The following NAPRT variants were observed in gnomAD, a reference collection of about 807,000 sequenced individuals.
The protein encoded by NAPRT is FHA-HIT-interacting protein.
NAPRT carries 66 observed loss-of-function variants against 60.7 expected under a neutral mutation model. The ratio of observed to expected loss-of-function variants is 1.09; its 90% CI spans 0.89 to 1.33. The LOEUF (loss-of-function observed/expected upper bound fraction) is 1.33. Ranked by LOEUF, NAPRT falls within the 40% of genes most tolerant of loss-of-function variation. The pLI, the probability that NAPRT is intolerant of heterozygous loss-of-function variation, is 0.00. For missense variants in NAPRT, 818 were observed against 731.5 expected (o/e 1.12, Z -1.36); for synonymous variants, 405 against 335.7 (o/e 1.21, Z -2.26).
At chr8:143,576,264 T>C (rs1303998898) in intron 7 of NAPRT, 102 bp from the exon 8 acceptor site, 4 of 1,383,098 alleles carry the variant, frequency 2.9e-6, no homozygotes, top group Non-Finnish European at 3.9e-6. Flanking sequence ...AGGACACCTG[T>C]GCTCACCTTC....
In NAPRT at chr8:143,578,233, T is replaced by C. The variant is rs1029155631; in HGVS notation, c.86A>G (p.Tyr29Cys). Reference sequence around the variant, plus strand: ...GTCCCGCGCCCGGCCCGCGCGCCAATAGCCCAACGCCATGGTGGCCTGGTA... The same window carrying C: ...GTCCCGCGCCCGGCCCGCGCGCCAACAGCCCAACGCCATGGTGGCCTGGTA... ...DLYQATMALG[Y>C]WRAGRARDAA... The change falls in exon 1 of 13, where the codon TAT becomes TGT. Residue 29 changes from tyrosine (Y) to cysteine (C), a missense_variant. Physicochemically the swap from Tyr to Cys is radical, Grantham distance 194. Transcript: ENST00000449291. 12 of 1,501,678 alleles carry C rather than the reference T, an allele frequency of 8.0e-6. No individual in the cohort carries two copies. The African/African-American group carries it at 1.0e-4, about 13-fold the overall frequency. The allele number at this position is 1,501,678 out of a possible 1,614,324, so 93.0% of individuals were successfully genotyped here. A position where few individuals can be genotyped will look rare whatever the true frequency, so the allele number is the denominator to read the frequency against.
In NAPRT at chr8:143,575,129, C is replaced by T. The variant is rs372897101; in HGVS notation, c.1447-36G>A. On this transcript the variant is annotated intron_variant, in intron 11 of 12. Transcript: ENST00000449291. ...GAGGTAAGGAAAGAGAAGCTTGGGG[C>T]TAGCTCCCAGTCAGGGCTCTACCGG... is the stretch of plus-strand genomic sequence containing the variant. 1.7e-5 allele frequency: 26 copies of T among 1,561,240 alleles called. No individual in the cohort carries two copies. The African/African-American group carries it at 3.4e-4, about 20-fold the overall frequency.
rs750305065 is a variant in NAPRT, at chr8:143,575,426, CA to C, written c.1287del (p.Asp430ThrfsTer11). The C allele has an allele frequency of 1.3e-6, 2 of 1,592,018 alleles. No homozygotes were observed. Among genetic ancestry groups the C allele is most frequent in the South Asian group, 2.2e-5 (2 of 90,602 alleles). ...GSKAAFRLLG[S>X]DGSPLMDMLQ... ...AGGGGGGATGGGAGGGCCTCACCGT[CA>C]GAGCCCAGGAGCCGGAAAGCAGCCT... On this transcript the variant is annotated frameshift_variant, in exon 10 of 13. Coordinates refer to ENST00000449291, the MANE Select transcript of NAPRT (RefSeq NM_145201.6). LOFTEE classifies it high-confidence loss of function.
At chr8:143,577,240 C>T (rs1335813209) in intron 4 of NAPRT, 29 bp downstream of exon 4, 2 of 1,606,046 alleles carry the variant, frequency 1.2e-6, no homozygotes, top group South Asian at 2.2e-5. Context: ...CCTTCCCGGC[C>T]CTTGCCTTGC....
At chr8:143,576,939 G>C (rs1286365046) in intron 5 of NAPRT, 97 bp from the exon 6 acceptor site, 4 of 1,488,040 alleles carry the variant, frequency 2.7e-6, no homozygotes, top group East Asian at 2.3e-5. Flanking sequence ...AGGTAATGCA[G>C]CCCGTGCCAG....
downstream of NAPRT, among the ~76,000 whole-genome samples, chr8:143,573,163 A>T (rs1824173734): frequency 6.6e-6 from 1 of 151,934 alleles, no homozygotes. Flanking sequence ...TCAGCTCCCC[A>T]CTGGGCCTGG....
chr8:143,575,281 C>T lies in NAPRT; in HGVS notation c.1356G>A (p.Leu452=). Residue 452 remains leucine, a synonymous_variant, in exon 11 of 13, where the codon CTG becomes CTA. Transcript: ENST00000449291. ...CCTGGGCCCCTGGAGGCCACACCCTCAGCTCCTGCCCAGCCTGTGGCACTG... is the reference window on the plus strand; with the variant it reads ...CCTGGGCCCCTGGAGGCCACACCCTTAGCTCCTGCCCAGCCTGTGGCACTG... ...EEPVPQAGQE[L]RVWPPGAQEP... The T allele has an allele frequency of 6.2e-7, 1 of 1,612,684 alleles. No individual in the cohort carries two copies. Among genetic ancestry groups the T allele is most frequent in the Non-Finnish European group, 8.5e-7 (1 of 1,179,978 alleles).
rs1452932477 is a variant in NAPRT at position 143,575,606 on chromosome 8, C to T, written c.1188+16G>A. 2 of 1,586,942 alleles carry T rather than the reference C, an allele frequency of 1.3e-6. No individual in the cohort carries two copies. Among genetic ancestry groups the T allele is most frequent in the African/African-American group, 2.7e-5 (2 of 74,488 alleles). On this transcript the variant is annotated intron_variant, in intron 9 of 12. Transcript: ENST00000449291. ...CTCAGACCTGCCCCCACCTGGGCCC[C>T]CGACACTGTCCCTACCTTATAGACG...
intron 5 of NAPRT, 71 bp downstream of exon 5, chr8:143,576,991 C>T (rs1204832248): frequency 1.9e-5 from 30 of 1,552,998 alleles, no homozygotes; most frequent in Middle Eastern, 1.7e-4. Context: ...GGGTGGCACA[C>T]CTCTCGCCAG....
rs1824526845 is a variant in NAPRT, at chr8:143,577,147, C to G, written c.599G>C (p.Gly200Ala). ...GGCCACCGGCACACCTCGCAGCTGG[C>G]CCGCTAGCACGTTGCTGCTGCTGTC... Reference protein sequence around the residue: ...GFDSSSNVLAGQLRGVPVAGT... With the variant: ...GFDSSSNVLAAQLRGVPVAGT... Residue 200 changes from glycine to alanine, a missense_variant, in exon 5 of 13, where the codon GGC (glycine) becomes GCC (alanine). Gly to Ala is a moderately conservative substitution (Grantham distance 60). Coordinates refer to ENST00000449291, the MANE Select transcript of NAPRT (RefSeq NM_145201.6). 2 of 1,612,764 alleles carry G rather than the reference C, an allele frequency of 1.2e-6. No homozygotes were observed. The highest frequency in any genetic ancestry group is 1.7e-6 in the Non-Finnish European group (2 of 1,179,822).
rs150227030 is a variant in NAPRT at position 143,576,506 on chromosome 8, G to A, written c.948C>T (p.Gly316=). 3.3e-5 allele frequency: 53 copies of A among 1,612,238 alleles called. No individual in the cohort carries two copies. Among genetic ancestry groups the A allele is most frequent in the Middle Eastern group, 1.6e-4 (1 of 6,078 alleles). ...ALGELGYRAV[G]VRLDSGDLLQ... ...GCAGGTCACCACTGTCCAGCCTCAC[G>A]CCCACTGCCCGGTAGCCCAGCTCTC... The change falls in exon 7 of 13, where the codon GGC becomes GGT. Residue 316 remains glycine, a synonymous_variant. Coordinates refer to ENST00000449291, the MANE Select transcript of NAPRT (RefSeq NM_145201.6).
chr8:143,575,196 C>A lies in NAPRT; in HGVS notation c.1441G>T (p.Gly481Ter). The A allele has an allele frequency of 1.9e-6, 3 of 1,608,446 alleles. No individual in the cohort carries two copies. Among genetic ancestry groups the A allele is most frequent in the African/African-American group, 1.3e-5 (1 of 74,890 alleles). The change falls in exon 11 of 13, where the codon GGA becomes TGA. Residue 481 changes from glycine to a stop codon, truncating the protein, a stop_gained. Transcript: ENST00000449291. LOFTEE classifies it high-confidence loss of function. Reference protein sequence around the residue: ...EPLLRLCLQQGQLCEPLPSLA... With the variant: ...EPLLRLCLQQ ...GAGGGCGGTGGGGCAGCCACCTGTC[C>A]CTGCTGGAGGCAGAGCCGCAGTAGT...
chr8:143,577,121 C>G lies in NAPRT; in HGVS notation c.625G>C (p.Gly209Arg). 6.2e-7 allele frequency: 1 copy of G among 1,612,998 alleles called. No homozygotes were observed. The highest frequency in any genetic ancestry group is 8.5e-7 in the Non-Finnish European group (1 of 1,179,942). The change falls in exon 5 of 13, where the codon GGG becomes CGG. Residue 209 changes from glycine to arginine, a missense_variant. Physicochemically the swap from Gly to Arg is moderately radical, Grantham distance 125. Transcript: ENST00000449291. ...GTGACGAAGGAGTGGGCCAGGGTCC[C>G]GGCCACCGGCACACCTCGCAGCTGG... ...AGQLRGVPVA[G>R]TLAHSFVTSF...
At position 143,575,614 on chromosome 8, in the gene NAPRT, G is replaced by A. The variant is rs775497093; in HGVS notation, c.1188+8C>T. 2.3e-5 allele frequency: 37 copies of A among 1,591,666 alleles called. 1 individual carries two copies. In the South Asian group the frequency reaches 4.0e-4, roughly 17 times the overall value. Reference sequence around the variant, plus strand: ...TGCCCCCACCTGGGCCCCCGACACTGTCCCTACCTTATAGACGCCACCCAG... The same window carrying A: ...TGCCCCCACCTGGGCCCCCGACACTATCCCTACCTTATAGACGCCACCCAG... On this transcript the variant is annotated splice_region_variant and intron_variant, in intron 9 of 12. Transcript: ENST00000449291.
rs762856296 is a variant in NAPRT at position 143,575,040 on chromosome 8, G to C, written c.1500C>G (p.Ser500=). The part of the protein sequence containing the change: ...LAESRALAQL[S]LSRLSPEHRR... ...TGTGCTCAGGGCTGAGTCGGCTCAGGGACAGCTGGGCCAAGGCTCTAGACT... is the reference window on the plus strand; with the variant it reads ...TGTGCTCAGGGCTGAGTCGGCTCAGCGACAGCTGGGCCAAGGCTCTAGACT... Residue 500 remains serine (S), a synonymous_variant, in exon 12 of 13, where the codon TCC becomes TCG. Coordinates refer to ENST00000449291, the MANE Select transcript of NAPRT (RefSeq NM_145201.6). 6.6e-7 allele frequency: 1 copy of C among 1,508,288 alleles called. No homozygotes were observed. Among genetic ancestry groups the C allele is most frequent in the East Asian group, 2.5e-5 (1 of 40,500 alleles). 93.4% of individuals were successfully genotyped at this position (1,508,288 alleles called of 1,614,324 possible). A position where few individuals can be genotyped will look rare whatever the true frequency, so the allele number is the denominator to read the frequency against.
In NAPRT at chr8:143,576,170, G is replaced by A. The variant is rs374220555; in HGVS notation, c.1023-8C>T. On this transcript the variant is annotated splice_region_variant and splice_polypyrimidine_tract_variant and intron_variant, in intron 7 of 12. Coordinates refer to ENST00000449291, the MANE Select transcript of NAPRT (RefSeq NM_145201.6). Reference sequence around the variant, plus strand: ...AGCCAGGGCACCTGGAACCTGCCGCGTGGGTGGAGAAAGGGTGGGGGCCAC... The same window carrying A: ...AGCCAGGGCACCTGGAACCTGCCGCATGGGTGGAGAAAGGGTGGGGGCCAC... The A allele has an allele frequency of 1.2e-5, 19 of 1,589,030 alleles. No homozygotes were observed. The East Asian group carries it at 1.8e-4, about 15-fold the overall frequency.
At position 143,575,045 on chromosome 8, in the gene NAPRT, G is replaced by T. The variant is rs963190058; in HGVS notation, c.1495C>A (p.Leu499Met). Residue 499 changes from leucine (L) to methionine (M), a missense_variant, in exon 12 of 13, where the codon CTG becomes ATG. By Grantham distance (15) the Leu-to-Met change is conservative. Coordinates refer to ENST00000449291, the MANE Select transcript of NAPRT (RefSeq NM_145201.6). ...TCAGGGCTGAGTCGGCTCAGGGACAGCTGGGCCAAGGCTCTAGACTCTGCC... is the reference window on the plus strand; with the variant it reads ...TCAGGGCTGAGTCGGCTCAGGGACATCTGGGCCAAGGCTCTAGACTCTGCC... ...SLAESRALAQ[L>M]SLSRLSPEHR... 69 of 1,507,458 alleles carry T rather than the reference G, an allele frequency of 4.6e-5. No homozygotes were observed. Among genetic ancestry groups the T allele is most frequent in the Non-Finnish European group, 5.1e-5 (57 of 1,123,236 alleles). The allele number at this position is 1,507,458 out of a possible 1,614,324, so 93.4% of individuals were successfully genotyped here. A position where few individuals can be genotyped will look rare whatever the true frequency, so the allele number is the denominator to read the frequency against.
In NAPRT at chr8:143,576,721, C is replaced by A; in HGVS notation, c.806G>T (p.Arg269Leu). Residue 269 changes from arginine to leucine, a missense_variant, in exon 6 of 13, where the codon CGG (arginine) becomes CTG (leucine). Coordinates refer to ENST00000449291, the MANE Select transcript of NAPRT (RefSeq NM_145201.6). ...CAAGGCATAGGCCACAAAGGCTGCC[C>A]GCTCGCCTGGATGCGGCTCCTGCAC... ...LGVQEPHPGE[R>L]AAFVAYALAF... is the part of the protein sequence containing the mutation. 6.2e-7 allele frequency: 1 copy of A among 1,609,384 alleles called. No homozygotes were observed. Among genetic ancestry groups the A allele is most frequent in the Non-Finnish European group, 8.5e-7 (1 of 1,179,128 alleles).
chr8:143,576,522 C>T lies in NAPRT; in HGVS notation c.932G>A (p.Gly311Asp). 1 of 1,612,358 alleles carries T rather than the reference C, an allele frequency of 6.2e-7. No individual in the cohort carries two copies. The highest frequency in any genetic ancestry group is 8.5e-7 in the Non-Finnish European group (1 of 1,179,720). The change falls in exon 7 of 13, where the codon GGC becomes GAC. Residue 311 changes from glycine to aspartate, a missense_variant. Physicochemically the swap from Gly to Asp is moderately conservative, Grantham distance 94. Coordinates refer to ENST00000449291, the MANE Select transcript of NAPRT (RefSeq NM_145201.6). The stretch of plus-strand genomic sequence containing the variant: ...CAGCCTCACGCCCACTGCCCGGTAG[C>T]CCAGCTCTCCCAGGGCCAGGGCGAC... ...LAVALALGEL[G>D]YRAVGVRLDS...
Sources: allele counts gnomAD v4.1 joint callset (sites outside exome capture counted in the v4.1 genomes callset), GRCh38; gene constraint gnomAD v4.1.1; transcripts MANE v1.5; gene names NCBI Gene and HGNC (gene_info 2026-07-23, HGNC 2026-07-21).